The following KLRF1 variants were observed in gnomAD, a reference collection of about 807,000 sequenced individuals.
KLRF1 encodes killer cell lectin-like receptor subfamily F member 1.
In KLRF1, 27 loss-of-function variants were observed where a neutral mutation model predicts 30.7. That is an observed-to-expected ratio of 0.88 (90% CI 0.65 to 1.21). KLRF1 has a LOEUF of 1.21. Among genes scored for constraint, KLRF1 ranks in the 50% most tolerant of loss-of-function variants. KLRF1 has a pLI of 0.00. For missense variants in KLRF1, 246 were observed against 259.3 expected (o/e 0.95, Z 0.35); for synonymous variants, 92 against 89.3 (o/e 1.03, Z -0.17).
At chr12:9,813,056 A>T in the KLRF1 span, among the ~76,000 whole-genome samples, 1 of 152,134 alleles carries the variant, frequency 6.6e-6, no homozygotes, top group East Asian at 1.9e-4. Context: ...GGCTTGGGGG[A>T]ATATCCTTGC....
the KLRF1 span, among the ~76,000 whole-genome samples, chr12:9,802,307 T>A: frequency 3.3e-5 from 5 of 152,152 alleles, no homozygotes; most frequent in Admixed American, 3.3e-4. Flanking sequence ...TTAAAAACTC[T>A]CAATAAACTA....
At chr12:9,842,030 T>G in intron 4 of KLRF1, 79 bp downstream of exon 4, 30 of 1,405,266 alleles carry the variant, frequency 2.1e-5, no homozygotes, top group Non-Finnish European at 2.9e-5. Flanking sequence ...ATCTTTGCAT[T>G]AAATCATCAT....
chr12:9,814,947 C>T, the KLRF1 span, among the ~76,000 whole-genome samples: 1 of 151,976 alleles, frequency 6.6e-6, no homozygotes, highest in South Asian at 2.1e-4. Context: ...CTATAGTTAA[C>T]GACGATGTAT....
At chr12:9,816,444 T>C in the KLRF1 span, among the ~76,000 whole-genome samples, 3 of 152,058 alleles carry the variant, frequency 2.0e-5, no homozygotes, top group Admixed American at 6.6e-5. Context: ...AAAAACTGAA[T>C]CCCACACTTG....
intron 1 of KLRF1, among the ~76,000 whole-genome samples, chr12:9,831,394 G>T (rs893540274): frequency 1.3e-5 from 2 of 152,032 alleles, no homozygotes; most frequent in Non-Finnish European, 2.9e-5. Flanking sequence ...GCTTGACAGC[G>T]TCAAATGTAG....
intron 3 of KLRF1, among the ~76,000 whole-genome samples, chr12:9,837,074 C>G (rs975569500): frequency 6.6e-6 from 1 of 151,966 alleles, no homozygotes; most frequent in Non-Finnish European, 1.5e-5. Context: ...AAAAACTTTT[C>G]CCAAAAATAA....
chr12:9,819,985 G>C, the KLRF1 span, among the ~76,000 whole-genome samples: 1 of 152,062 alleles, frequency 6.6e-6, no homozygotes, highest in Admixed American at 6.6e-5. Flanking sequence ...GTCACTTTTG[G>C]GCGTTGGAGA....
chr12:9,817,298 G>A, the KLRF1 span: 1 of 203,226 alleles, frequency 4.9e-6, no homozygotes, highest in Non-Finnish European at 1.1e-5. Flanking sequence ...TAGCTCACAC[G>A]AATATACTCT....
chr12:9,823,420 G>A (rs141067770), upstream of KLRF1, among the ~76,000 whole-genome samples: 20 of 152,098 alleles, frequency 1.3e-4, no homozygotes, highest in South Asian at 6.2e-4. Context: ...GGCAGACATC[G>A]AAACATTCTT....
intron 1 of KLRF1, among the ~76,000 whole-genome samples, chr12:9,829,932 G>C (rs750411536): frequency 2.0e-5 from 3 of 151,964 alleles, no homozygotes; most frequent in Non-Finnish European, 4.4e-5. Context: ...AAATTATTCA[G>C]GCTCACTCAC....
chr12:9,812,084 G>A, the KLRF1 span, among the ~76,000 whole-genome samples: 1 of 152,182 alleles, frequency 6.6e-6, no homozygotes, highest in African/African-American at 2.4e-5. Context: ...GATTGGGTCT[G>A]GCCGGGCGCG....
At position 9,834,773 on chromosome 12, in the gene KLRF1, T is replaced by C. The variant is rs114619166; in HGVS notation, c.334+1321T>C. Among the ~76,000 whole-genome samples, 1,414 of 152,206 alleles carry C rather than the reference T, an allele frequency of 9.3e-3. 24 individuals are homozygous for C. The highest frequency in any genetic ancestry group is 0.032 in the African/African-American group (1,337 of 41,548). On this transcript the variant is annotated intron_variant, in intron 3 of 5. Coordinates refer to ENST00000617889, the MANE Select transcript of KLRF1 (RefSeq NM_016523.3). ...GCTTGGTTGGCAAGTTTTTGGACCC[T>C]ATCCTTGAGTTTTCTTATGTTGTCA...
rs777103946 is a variant in KLRF1, at chr12:9,844,427, A to G, written c.597A>G (p.Ile199Met). ...GSPIDSKIFF[I>M]KGPAKENSCA... ...ATTCTCTCTTCCCTAGATTCTTCAT[A>G]AAGGGACCAGCTAAAGAAAACAGCT... The change falls in exon 6 of 6, where the codon ATA becomes ATG. Residue 199 changes from isoleucine (I) to methionine (M), a missense_variant. Coordinates refer to ENST00000617889, the MANE Select transcript of KLRF1 (RefSeq NM_016523.3). 1 of 1,583,626 alleles carries G rather than the reference A, an allele frequency of 6.3e-7. No individual in the cohort carries two copies. Among genetic ancestry groups the G allele is most frequent in the South Asian group, 1.1e-5 (1 of 90,322 alleles).
At chr12:9,836,461 T>C (rs1208276209) in intron 3 of KLRF1, among the ~76,000 whole-genome samples, 2 of 152,150 alleles carry the variant, frequency 1.3e-5, no homozygotes, top group Non-Finnish European at 2.9e-5. Context: ...ATAGGTGATC[T>C]TTGCTGGCAG....
chr12:9,844,343 A>G (rs1164214217), intron 5 of KLRF1, 75 bp from the exon 6 acceptor site: 3 of 742,174 alleles, frequency 4.0e-6, no homozygotes, highest in Non-Finnish European at 6.9e-6. Context: ...TATTTAAAAG[A>G]GGATATTAGC....
intron 3 of KLRF1, among the ~76,000 whole-genome samples, chr12:9,840,203 G>C (rs1364632759): frequency 1.3e-5 from 2 of 152,048 alleles, no homozygotes; most frequent in Non-Finnish European, 2.9e-5. Context: ...TGGGGGAGTA[G>C]AAGATGAATA....
intron 1 of KLRF1, 122 bp from the exon 2 acceptor site, chr12:9,832,193 TG>T: frequency 1.9e-6 from 1 of 539,312 alleles, no homozygotes; most frequent in Non-Finnish European, 3.3e-6. Flanking sequence ...TTCATGCTTT[TG>T]ATTGCCTAAT....
At chr12:9,814,561 T>C in the KLRF1 span, among the ~76,000 whole-genome samples, 6 of 152,248 alleles carry the variant, frequency 3.9e-5, no homozygotes, top group Admixed American at 2.0e-4. Context: ...TCCTGCACCA[T>C]CAGGAGGCCT....
At chr12:9,834,322 G>A (rs1441855327) in intron 3 of KLRF1, among the ~76,000 whole-genome samples, 2 of 151,978 alleles carry the variant, frequency 1.3e-5, no homozygotes, top group Non-Finnish European at 2.9e-5. Flanking sequence ...GCTTAGCTTG[G>A]GCTCAGAGGC....
Sources: allele counts gnomAD v4.1 joint callset (sites outside exome capture counted in the v4.1 genomes callset), GRCh38; gene constraint gnomAD v4.1.1; transcripts MANE v1.5; gene names NCBI Gene and HGNC (gene_info 2026-07-23, HGNC 2026-07-21).